Variants in AEBP2 observed in about 807,000 individuals in gnomAD.
AEBP2 encodes the protein zinc finger protein AEBP2.
A neutral mutation model predicts 50.8 loss-of-function variants in AEBP2; 10 were observed. The observed-to-expected ratio is 0.20, with a 90% CI of 0.12 to 0.33. The LOEUF (loss-of-function observed/expected upper bound fraction) is 0.33, where lower values mean the gene tolerates loss of function less well. Among genes scored for constraint, AEBP2 ranks in the 10% least tolerant of loss-of-function variants. The pLI, the probability that AEBP2 is intolerant of heterozygous loss-of-function variation, is 1.00. For missense variants in AEBP2, 570 were observed against 688.0 expected (o/e 0.83, Z 1.92); for synonymous variants, 296 against 261.3 (o/e 1.13, Z -1.28).
chr12:19,512,738 G>A (rs536928905), intron 6 of AEBP2, among the ~76,000 whole-genome samples: 298 of 151,336 alleles, frequency 2.0e-3, no homozygotes, highest in Admixed American at 4.8e-3. Context: ...GGGGGAGGCC[G>A]GCAGTTCGAG....
rs200584648 is a variant in AEBP2, at chr12:19,493,773, C to T, written c.988-27C>T. ...CTCGTGCCCTACACAGCATGCCTGA[C>T]GTTATTTCTGTTTTATTTTCTTTTA... On this transcript the variant is annotated intron_variant, in intron 3 of 7. Transcript: ENST00000266508. 46 of 1,606,874 alleles carry T rather than the reference C, an allele frequency of 2.9e-5. No homozygotes were observed. The African/African-American group carries it at 3.2e-4, about 11-fold the overall frequency.
intron 7 of AEBP2, among the ~76,000 whole-genome samples, chr12:19,515,274 G>A (rs1949302148): frequency 6.6e-6 from 1 of 152,090 alleles, no homozygotes; most frequent in Non-Finnish European, 1.5e-5. Flanking sequence ...GCTTTTTTTA[G>A]TGTGCTGTGC....
At chr12:19,491,317 T>G (rs16915537) in intron 3 of AEBP2, among the ~76,000 whole-genome samples, 7,402 of 152,254 alleles carry the variant, frequency 0.049, 395 homozygotes, top group Admixed American at 0.15. Context: ...TTCTTAGGGT[T>G]GTTGTATGAA....
chr12:19,496,664 C>CTTT (rs771598222), intron 4 of AEBP2, among the ~76,000 whole-genome samples: 2 of 142,926 alleles, frequency 1.4e-5, no homozygotes, highest in Non-Finnish European at 1.5e-5. Context: ...TTTTTTTAAC[C>CTTT]TTTTTTTTTT....
At chr12:19,488,126 ATT>A (rs11385390) in intron 3 of AEBP2, among the ~76,000 whole-genome samples, 1 of 144,782 alleles carries the variant, frequency 6.9e-6, no homozygotes, top group Non-Finnish European at 1.5e-5. Context: ...AACAGATTAA[ATT>A]TTTTTTTTTT....
intron 6 of AEBP2, among the ~76,000 whole-genome samples, chr12:19,513,923 C>T (rs1289641821): frequency 3.1e-4 from 34 of 109,906 alleles, no homozygotes; most frequent in South Asian, 1.5e-3. Context: ...GGAGTTTAGT[C>T]TTACAGGGTT....
At chr12:19,459,477 C>T (rs927182980) in intron 1 of AEBP2, among the ~76,000 whole-genome samples, 6 of 152,108 alleles carry the variant, frequency 3.9e-5, no homozygotes, top group Non-Finnish European at 8.8e-5. Flanking sequence ...GTGATCCGCC[C>T]GCCTCAGCCT....
In AEBP2 at chr12:19,439,664, T is replaced by TGGGGAGGAG; in HGVS notation, c.-34_-26dup. 8.1e-7 allele frequency: 1 copy of TGGGGAGGAG among 1,236,884 alleles called. No individual in the cohort carries two copies. The highest frequency in any genetic ancestry group is 1.1e-6 in the Non-Finnish European group (1 of 945,084). The allele number at this position is 1,236,884 out of a possible 1,614,324, so 76.6% of individuals were successfully genotyped here. On this transcript the variant is annotated 5_prime_UTR_variant, in exon 1 of 8. Coordinates refer to ENST00000266508, the MANE Select transcript of AEBP2 (RefSeq NM_153207.5). ...GAGAGTCGAGAGAGGGAGGCGGCGG[T>TGGGGAGGAG]GGGGAGGAGGAGGAGGAGGAGGAGC... is the stretch of plus-strand genomic sequence containing the variant.
At position 19,520,247 on chromosome 12, in the gene AEBP2, T is replaced by G. The variant is rs1949377946; in HGVS notation, c.*2130T>G. ...ACATTTAGCTTCAAATTGTAACAAT[T>G]CAATTGAATTTTAAAATGACACCTG... is the stretch of plus-strand genomic sequence containing the variant. On this transcript the variant is annotated 3_prime_UTR_variant, in exon 8 of 8. Coordinates refer to ENST00000266508, the MANE Select transcript of AEBP2 (RefSeq NM_153207.5). 6.6e-6 allele frequency: 1 copy of G among 152,210 alleles called. No homozygotes were observed. The highest frequency in any genetic ancestry group is 1.5e-5 in the Non-Finnish European group (1 of 68,010). The allele number at this position is 152,210 out of a possible 1,614,324, so 9.4% of individuals were successfully genotyped here.
In AEBP2 at chr12:19,520,274, AAAGAT is replaced by A. The variant is rs1237630703; in HGVS notation, c.*2159_*2163del. 6.6e-6 allele frequency: 1 copy of A among 152,224 alleles called. No individual in the cohort carries two copies. Among genetic ancestry groups the A allele is most frequent in the Non-Finnish European group, 1.5e-5 (1 of 68,022 alleles). 9.4% of individuals were successfully genotyped at this position (152,224 alleles called of 1,614,324 possible). A position where few individuals can be genotyped will look rare whatever the true frequency, so the allele number is the denominator to read the frequency against. On this transcript the variant is annotated 3_prime_UTR_variant, in exon 8 of 8. Coordinates refer to ENST00000266508, the MANE Select transcript of AEBP2 (RefSeq NM_153207.5). ...AATTGAATTTTAAAATGACACCTGA[AAAGAT>A]ACATCTGATATTTTCTATATAGAGC...
At chr12:19,457,531 C>T in intron 1 of AEBP2, 1 of 1,484,406 alleles carries the variant, frequency 6.7e-7, no homozygotes, top group African/African-American at 1.4e-5. Context: ...TCAATTTTTT[C>T]AATGGTTCTT....
intron 4 of AEBP2, among the ~76,000 whole-genome samples, chr12:19,497,858 C>T (rs978320270): frequency 6.6e-5 from 10 of 152,084 alleles, no homozygotes; most frequent in African/African-American, 1.9e-4. Context: ...ACATTGTATA[C>T]GGGTAATACT....
chr12:19,463,787 T>C (rs554005967), intron 2 of AEBP2, among the ~76,000 whole-genome samples: 1 of 145,030 alleles, frequency 6.9e-6, no homozygotes, highest in East Asian at 2.2e-4. Context: ...TGCCTCAGCC[T>C]CCCGAGTAGC....
intron 4 of AEBP2, among the ~76,000 whole-genome samples, chr12:19,499,516 A>G (rs1240745317): frequency 6.6e-6 from 1 of 150,620 alleles, no homozygotes; most frequent in East Asian, 2.0e-4. Flanking sequence ...CAGGAGGTTG[A>G]GGCATGAGAA....
intron 3 of AEBP2, among the ~76,000 whole-genome samples, chr12:19,488,146 C>T (rs1424341483): frequency 3.6e-5 from 5 of 140,720 alleles, no homozygotes; most frequent in African/African-American, 1.0e-4. Flanking sequence ...TTTTTTGAGG[C>T]GTAGTTTTGT....
At chr12:19,448,143 GTGAT>G (rs764930433) in intron 1 of AEBP2, among the ~76,000 whole-genome samples, 15 of 152,148 alleles carry the variant, frequency 9.9e-5, no homozygotes, top group Non-Finnish European at 2.1e-4. Flanking sequence ...TTGGGCTCCA[GTGAT>G]TCTCTCTGCT....
chr12:19,406,568 T>C (rs2095736381), intron 1 of AEBP2, among the ~76,000 whole-genome samples: 1 of 151,562 alleles, frequency 6.6e-6, no homozygotes, highest in African/African-American at 2.4e-5. Context: ...AATCCCAGCT[T>C]ACTCTGGAGG....
intron 3 of AEBP2, among the ~76,000 whole-genome samples, chr12:19,477,872 GAAT>G (rs1238303220): frequency 6.6e-6 from 1 of 152,112 alleles, no homozygotes; most frequent in Non-Finnish European, 1.5e-5. Flanking sequence ...GTTTTTCTTT[GAAT>G]GTCTGATAGA....
At chr12:19,412,006 G>C (rs1292442223) in intron 1 of AEBP2, among the ~76,000 whole-genome samples, 2 of 152,240 alleles carry the variant, frequency 1.3e-5, no homozygotes, top group East Asian at 3.9e-4. Context: ...TGAATCACCA[G>C]ACTCCTGTCC....
Sources: allele counts gnomAD v4.1 joint callset (sites outside exome capture counted in the v4.1 genomes callset), GRCh38; gene constraint gnomAD v4.1.1; transcripts MANE v1.5; gene names NCBI Gene and HGNC (gene_info 2026-07-23, HGNC 2026-07-21).